Variants in UNC13A observed in about 807,000 individuals in gnomAD.
The protein encoded by UNC13A is unc-13 homolog A.
A neutral mutation model predicts 219.7 loss-of-function variants in UNC13A; 61 were observed. The ratio of observed to expected loss-of-function variants is 0.28; its 90% CI spans 0.23 to 0.34. UNC13A has a LOEUF of 0.34. Among genes scored for constraint, UNC13A ranks in the 10% least tolerant of loss-of-function variants. The pLI, the probability that UNC13A is intolerant of heterozygous loss-of-function variation, is 1.00. For synonymous variants in UNC13A, 920 were observed against 884.6 expected (o/e 1.04, Z -0.71); for missense variants, 1,476 against 2,270.3 (o/e 0.65, Z 7.11).
chr19:17,642,941 AG>A lies in UNC13A; in HGVS notation c.2375del (p.Ser792LeufsTer39). The A allele has an allele frequency of 6.2e-7, 1 of 1,608,446 alleles. No individual in the cohort carries two copies. Among genetic ancestry groups the A allele is most frequent in the Non-Finnish European group, 8.5e-7 (1 of 1,177,412 alleles). ...GGAGCCGGATGGCACCCGACACGGCAGATTTGTCAGTTCGCTTGTCTGCAGG... is the reference window on the plus strand; with the variant it reads ...GGAGCCGGATGGCACCCGACACGGCAATTTGTCAGTTCGCTTGTCTGCAGG... ...WYNLDKRTDKSAVSGAIRLHI... is the reference protein window; with the variant it reads ...WYNLDKRTDKXAVSGAIRLHI... On this transcript the variant is annotated frameshift_variant, in exon 20 of 44. Coordinates refer to ENST00000519716, the MANE Select transcript of UNC13A (RefSeq NM_001080421.3). LOFTEE classifies it high-confidence loss of function.
At chr19:17,615,469 A>C (rs530764178) in intron 41 of UNC13A, among the ~76,000 whole-genome samples, 5 of 152,348 alleles carry the variant, frequency 3.3e-5, no homozygotes, top group Admixed American at 6.5e-5. Flanking sequence ...ACTTGAGGCC[A>C]AGAGTTCAAG....
chr19:17,679,989 A>C (rs925119424), intron 1 of UNC13A, among the ~76,000 whole-genome samples: 4 of 152,142 alleles, frequency 2.6e-5, no homozygotes, highest in African/African-American at 9.6e-5. Context: ...GCCGAGGTCC[A>C]GGTTGAGGAC....
intron 7 of UNC13A, among the ~76,000 whole-genome samples, 178 bp downstream of exon 7, chr19:17,666,472 C>T (rs1177565832): frequency 6.6e-6 from 1 of 152,072 alleles, no homozygotes; most frequent in East Asian, 1.9e-4. Flanking sequence ...GCTGGGATTA[C>T]AGGGGTGAGC....
rs1356727401 is a variant in UNC13A, at chr19:17,649,930, G to T, written c.1440-343C>A. 6.6e-6 allele frequency among the ~76,000 whole-genome samples: 1 copy of T among 152,136 alleles called. No homozygotes were observed. Among genetic ancestry groups the T allele is most frequent in the East Asian group, 1.9e-4 (1 of 5,188 alleles). On this transcript the variant is annotated intron_variant, in intron 12 of 43. Coordinates refer to ENST00000519716, the MANE Select transcript of UNC13A (RefSeq NM_001080421.3). The surrounding 1 kb of genome is among the most constrained non-coding windows in gnomAD (Gnocchi z 4.4). ...TACAAACCAATACTCGGGGGCCAAG[G>T]AATTCAAGCAAACTAGAAGCTAGAA...
At chr19:17,623,410 C>A in intron 36 of UNC13A, 132 bp downstream of exon 36, 1 of 672,830 alleles carries the variant, frequency 1.5e-6, no homozygotes, top group Non-Finnish European at 2.4e-6. Context: ...ACAGGCACAT[C>A]TAGGCGGGAG....
At position 17,658,079 on chromosome 19, in the gene UNC13A, A is replaced by G; in HGVS notation, c.750T>C (p.Ser250=). The change falls in exon 9 of 44, where the codon TCT becomes TCC. Residue 250 remains serine, a synonymous_variant. Transcript: ENST00000519716. ...SDSMHSYEEF[S]EPQALSPTGS... is the part of the protein sequence containing the mutation. ...GCACCTACCTGAGGGCTTGTGGCTC[A>G]GAGAACTCCTCGTAACTGTGCATGG... is the stretch of plus-strand genomic sequence containing the variant. 3 of 1,613,710 alleles carry G rather than the reference A, an allele frequency of 1.9e-6. No homozygotes were observed. Among genetic ancestry groups the G allele is most frequent in the South Asian group, 1.1e-5 (1 of 91,050 alleles).
rs143580773 is a variant in UNC13A at position 17,610,926 on chromosome 19, C to T, written c.4652-827G>A. 3.9e-4 allele frequency among the ~76,000 whole-genome samples: 60 copies of T among 152,126 alleles called. No individual in the cohort carries two copies. In the East Asian group the frequency reaches 0.011, roughly 29 times the overall value. On this transcript the variant is annotated intron_variant, in intron 42 of 43. Transcript: ENST00000519716. ...TGCATGCCTGCAATCCCAGCGACTCCGGAAGCTGAGGCAGGAGGATCGCTA... is the reference window on the plus strand; with the variant it reads ...TGCATGCCTGCAATCCCAGCGACTCTGGAAGCTGAGGCAGGAGGATCGCTA...
rs541527929 is a variant in UNC13A, at chr19:17,640,458, C to T, written c.2787+53G>A. On this transcript the variant is annotated intron_variant, in intron 22 of 43. Coordinates refer to ENST00000519716, the MANE Select transcript of UNC13A (RefSeq NM_001080421.3). ...ACCCAGAAGTCACATCAGATCTGAC[C>T]GGCATAAAGTTGGGCTCTCCCTAAT... 190 of 1,516,934 alleles carry T rather than the reference C, an allele frequency of 1.3e-4. No homozygotes were observed. The African/African-American group carries it at 1.7e-3, about 14-fold the overall frequency. 94.0% of individuals were successfully genotyped at this position (1,516,934 alleles called of 1,614,324 possible). A position where few individuals can be genotyped will look rare whatever the true frequency, so the allele number is the denominator to read the frequency against.
rs771997318 is a variant in UNC13A at position 17,641,533 on chromosome 19, G to T, written c.2496C>A (p.Asp832Glu). ...LHENLFHFVT[D>E]VQNNGVVKIP... ...TCTTCACGACCCCATTGTTCTGCAC[G>T]TCGGTCACGAAGTGGAACAGGTTCT... The change falls in exon 21 of 44, where the codon GAC becomes GAA. Residue 832 changes from aspartate (D) to glutamate (E), a missense_variant. Transcript: ENST00000519716. 2 of 1,613,942 alleles carry T rather than the reference G, an allele frequency of 1.2e-6. No individual in the cohort carries two copies. The highest frequency in any genetic ancestry group is 1.7e-6 in the Non-Finnish European group (2 of 1,179,898).
chr19:17,629,107 A>G, intron 31 of UNC13A, 133 bp downstream of exon 31: 1 of 734,592 alleles, frequency 1.4e-6, no homozygotes, highest in East Asian at 2.7e-5. Flanking sequence ...CTCTAAACAC[A>G]CAGACAATCC....
intron 26 of UNC13A, 110 bp from the exon 27 acceptor site, chr19:17,633,303 G>C: frequency 1.9e-6 from 2 of 1,038,262 alleles, no homozygotes; most frequent in Non-Finnish European, 2.9e-6. Flanking sequence ...AGAGGGATTT[G>C]GGTTCAGGTT....
Position 17,674,629 on chromosome 19 carries a change from G to C in UNC13A, c.152+28C>G, listed in dbSNP as rs777386060. The C allele has an allele frequency of 1.1e-5, 18 of 1,604,712 alleles. No individual in the cohort carries two copies. In the South Asian group the frequency reaches 2.0e-4, roughly 18 times the overall value. On this transcript the variant is annotated intron_variant, in intron 3 of 43. Coordinates refer to ENST00000519716, the MANE Select transcript of UNC13A (RefSeq NM_001080421.3). The surrounding 1 kb of genome is among the most constrained non-coding windows in gnomAD (Gnocchi z 5.0). ...GAGGTGCTGGGCTATGCCAGGGAGTGAGGTCATGCCAGACGCTGCAGACTC... is the reference window on the plus strand; with the variant it reads ...GAGGTGCTGGGCTATGCCAGGGAGTCAGGTCATGCCAGACGCTGCAGACTC...
chr19:17,625,100 G>A lies in UNC13A; in HGVS notation c.4074-148C>T, dbSNP rs1347697470. 7 of 1,241,794 alleles carry A rather than the reference G, an allele frequency of 5.6e-6. No individual in the cohort carries two copies. The East Asian group carries it at 1.5e-4, about 27-fold the overall frequency. 76.9% of individuals were successfully genotyped at this position (1,241,794 alleles called of 1,614,324 possible). ...CCCCTGGGTGGTTTGATGGGGCTAT[G>A]ATATCTGATGCATGAAGAGAAGAGT... On this transcript the variant is annotated intron_variant, in intron 34 of 43. Transcript: ENST00000519716.
chr19:17,616,325 G>GATCCTTTT lies in UNC13A; in HGVS notation c.4558+1369_4558+1376dup, dbSNP rs1044869827. The GATCCTTTT allele has an allele frequency of 1.1e-4, 71 of 656,480 alleles. No individual in the cohort carries two copies. The Middle Eastern group carries it at 1.2e-3, about 11-fold the overall frequency. 40.7% of individuals were successfully genotyped at this position (656,480 alleles called of 1,614,324 possible). ...CTGCAGGCCCTTGAGGCAGAAGGACGATCCTTTTACTAGCCGGGGCCAGGA... is the reference window on the plus strand; with the variant it reads ...CTGCAGGCCCTTGAGGCAGAAGGACGATCCTTTTATCCTTTTACTAGCCGGGGCCAGGA... On this transcript the variant is annotated intron_variant, in intron 41 of 43. Coordinates refer to ENST00000519716, the MANE Select transcript of UNC13A (RefSeq NM_001080421.3).
chr19:17,649,124 C>T lies in UNC13A; in HGVS notation c.1525-141G>A. 5 of 1,179,562 alleles carry T rather than the reference C, an allele frequency of 4.2e-6. No individual in the cohort carries two copies. The highest frequency in any genetic ancestry group is 4.8e-6 in the Non-Finnish European group (4 of 834,830). 73.1% of individuals were successfully genotyped at this position (1,179,562 alleles called of 1,614,324 possible). On this transcript the variant is annotated intron_variant, in intron 14 of 43. Coordinates refer to ENST00000519716, the MANE Select transcript of UNC13A (RefSeq NM_001080421.3). The surrounding 1 kb of genome is among the most constrained non-coding windows in gnomAD (Gnocchi z 4.4). Reference sequence around the variant, plus strand: ...TTGGAAACAGGTCACCGACAGCATCCGGGCCAGACCCAACAAAGAATTAGG... The same window carrying T: ...TTGGAAACAGGTCACCGACAGCATCTGGGCCAGACCCAACAAAGAATTAGG...
chr19:17,653,819 CTCTTT>C, intron 11 of UNC13A, among the ~76,000 whole-genome samples: 1 of 118,580 alleles, frequency 8.4e-6, no homozygotes, highest in Non-Finnish European at 1.7e-5. Context: ...GATATCACTT[CTCTTT>C]TTTTTTTTTT....
At chr19:17,619,032 T>C (rs2076698454) in intron 38 of UNC13A, 70 bp from the exon 39 acceptor site, 1 of 1,476,324 alleles carries the variant, frequency 6.8e-7, no homozygotes, top group South Asian at 1.1e-5. Flanking sequence ...CCAGAGACCA[T>C]CTTGGTTCTT....
rs2287851 is a variant in UNC13A at position 17,617,693 on chromosome 19, T to A, written c.4558+9A>T. ...GCGGGAAAGGGTGATGCGGTCTGGG[T>A]ACCCTTACCCTGGGCCGATTGCGTC... On this transcript the variant is annotated intron_variant, in intron 41 of 43. Coordinates refer to ENST00000519716, the MANE Select transcript of UNC13A (RefSeq NM_001080421.3). 7.4e-6 allele frequency: 12 copies of A among 1,611,330 alleles called. No homozygotes were observed. Among genetic ancestry groups the A allele is most frequent in the African/African-American group, 1.3e-5 (1 of 74,806 alleles).
At chr19:17,648,305 CGCCCCGCCCCTT>C in intron 16 of UNC13A, 114 bp downstream of exon 16, 9 of 779,362 alleles carry the variant, frequency 1.2e-5, no homozygotes, top group Non-Finnish European at 1.6e-5. Context: ...TGCCTCACGA[CGCCCCGCCCCTT>C]GCCCCGCCCC....
Sources: gnomAD v4.1 joint callset for allele counts (sites outside exome capture counted in the v4.1 genomes callset) on GRCh38, gnomAD v4.1.1 for gene constraint, Gnocchi (gnomAD v3.1) non-coding constraint, MANE v1.5 for transcripts, NCBI Gene and HGNC (gene_info 2026-07-23, HGNC 2026-07-21) for gene names.